The following PRIM2 variants were observed in gnomAD, a reference collection of about 807,000 sequenced individuals.
PRIM2 encodes the protein DNA primase large subunit.
In PRIM2, 39 loss-of-function variants were observed where a neutral mutation model predicts 67.3. That is an observed-to-expected ratio of 0.58 (90% CI 0.45 to 0.76). PRIM2 has a LOEUF of 0.76. PRIM2 is among the 30% of genes least tolerant of loss of function. The probability of loss-of-function intolerance (pLI) is 0.00; values close to 1 mark genes in which losing one functional copy is unlikely to be tolerated. For missense variants in PRIM2, 398 were observed against 598.7 expected, an observed-to-expected ratio of 0.66 and a Z score of 3.50; for synonymous variants, 143 against 198.7, an observed-to-expected ratio of 0.72 and a Z score of 2.36.
intron 10 of PRIM2, among the ~76,000 whole-genome samples, chr6:57,538,391 A>G (rs1775043855): frequency 6.6e-6 from 1 of 152,038 alleles, no homozygotes; most frequent in East Asian, 1.9e-4. Flanking sequence ...TAAAAACCCT[A>G]TCTGCAGTGC....
At chr6:57,457,890 C>G (rs1158353928) in intron 7 of PRIM2, among the ~76,000 whole-genome samples, 1 of 152,200 alleles carries the variant, frequency 6.6e-6, no homozygotes, top group Non-Finnish European at 1.5e-5. Flanking sequence ...ACGCTGGGAG[C>G]TATAGACTGG....
At chr6:57,260,522 C>T in the PRIM2 span, among the ~76,000 whole-genome samples, 1 of 152,016 alleles carries the variant, frequency 6.6e-6, no homozygotes, top group African/African-American at 2.4e-5. Flanking sequence ...TTTATGAACC[C>T]ATTCTATTTT....
rs1332667031 is a variant in PRIM2 at position 57,560,825 on chromosome 6, C to T, written c.1020+23200C>T. Among the ~76,000 whole-genome samples the T allele has an allele frequency of 5.3e-5, 8 of 152,298 alleles. 1 individual carries two copies. Among genetic ancestry groups the T allele is most frequent in the Middle Eastern group, 3.4e-3 (1 of 294 alleles). Reference sequence around the variant, plus strand: ...GTAAACTCTGCTATAAACAGATATGCTGTTACCCACATTTTGCTGTTCCAT... The same window carrying T: ...GTAAACTCTGCTATAAACAGATATGTTGTTACCCACATTTTGCTGTTCCAT... On this transcript the variant is annotated intron_variant, in intron 10 of 13. Coordinates refer to ENST00000615550, the MANE Select transcript of PRIM2 (RefSeq NM_000947.5).
chr6:57,644,351 C>T (rs1777296933), intron 13 of PRIM2, among the ~76,000 whole-genome samples: 1 of 152,080 alleles, frequency 6.6e-6, no homozygotes, highest in Admixed American at 6.6e-5. Flanking sequence ...CCAGACGCAA[C>T]TCAAATAGCA....
intron 7 of PRIM2, among the ~76,000 whole-genome samples, chr6:57,431,898 T>A (rs1404965886): frequency 1.3e-5 from 2 of 152,198 alleles, no homozygotes; most frequent in Non-Finnish European, 2.9e-5. Context: ...TATTTCTGTA[T>A]ATATTTTGGA....
At chr6:57,235,114 G>T in the PRIM2 span, among the ~76,000 whole-genome samples, 1 of 152,094 alleles carries the variant, frequency 6.6e-6, no homozygotes, top group Non-Finnish European at 1.5e-5. Flanking sequence ...TAGTGCCATT[G>T]TACTCCAGCC....
chr6:57,583,219 G>T (rs1478661235), intron 10 of PRIM2, among the ~76,000 whole-genome samples: 1 of 146,694 alleles, frequency 6.8e-6, no homozygotes, highest in Non-Finnish European at 1.5e-5. Context: ...GGGTACATGT[G>T]CACAGTGTGC....
rs1274137474 is a variant in PRIM2, at chr6:57,408,469, A to G, written c.693+26301A>G. On this transcript the variant is annotated intron_variant, in intron 7 of 13. Coordinates refer to ENST00000615550, the MANE Select transcript of PRIM2 (RefSeq NM_000947.5). ...ACATAATAAATGCATAATAAATGCC[A>G]TGAGAAAGTAGATTTGTTGGGGGAG... Among the ~76,000 whole-genome samples, 3 of 152,226 alleles carry G rather than the reference A, an allele frequency of 2.0e-5. No homozygotes were observed. In the East Asian group the frequency reaches 5.8e-4, roughly 29 times the overall value.
At chr6:57,630,356 AG>A (rs1777020579) in intron 12 of PRIM2, among the ~76,000 whole-genome samples, 1 of 152,164 alleles carries the variant, frequency 6.6e-6, no homozygotes, top group Admixed American at 6.5e-5. Flanking sequence ...GGGTCAGGTC[AG>A]GGGAAGATTG....
intron 8 of PRIM2, among the ~76,000 whole-genome samples, chr6:57,520,622 G>A (rs1173910447): frequency 4.6e-5 from 7 of 152,182 alleles, no homozygotes; most frequent in African/African-American, 1.7e-4. Context: ...AGGGGTGTAT[G>A]TGTGTATTTT....
At chr6:57,335,194 C>G (rs546608710) in intron 5 of PRIM2, among the ~76,000 whole-genome samples, 2 of 151,344 alleles carry the variant, frequency 1.3e-5, no homozygotes, top group African/African-American at 4.8e-5. Flanking sequence ...TATCCCGCAC[C>G]TGGCTCGGAG....
chr6:57,300,775 C>A, the PRIM2 span, among the ~76,000 whole-genome samples: 1 of 152,104 alleles, frequency 6.6e-6, no homozygotes, highest in African/African-American at 2.4e-5. Context: ...GTAATCCCAG[C>A]ACTTTGGGAG....
intron 8 of PRIM2, among the ~76,000 whole-genome samples, chr6:57,531,675 G>A (rs1212290663): frequency 2.6e-5 from 4 of 151,950 alleles, no homozygotes; most frequent in African/African-American, 4.8e-5. Context: ...GATATGGTGC[G>A]GTGAAAAAAT....
At position 57,477,629 on chromosome 6, in the gene PRIM2, T is replaced by C. The variant is rs1773507262; in HGVS notation, c.694-29758T>C. On this transcript the variant is annotated intron_variant, in intron 7 of 13. Coordinates refer to ENST00000615550, the MANE Select transcript of PRIM2 (RefSeq NM_000947.5). ...CATATGTCTTAGCTAAATACTACTA[T>C]TGTTAACAACACTACTCGTAATAGA... 1.1e-4 allele frequency among the ~76,000 whole-genome samples: 16 copies of C among 152,292 alleles called. 2 individuals carry two copies. The highest frequency in any genetic ancestry group is 9.1e-4 in the Admixed American group (14 of 15,302).
At chr6:57,448,359 G>A (rs944309202) in intron 7 of PRIM2, among the ~76,000 whole-genome samples, 1 of 152,100 alleles carries the variant, frequency 6.6e-6, no homozygotes, top group Non-Finnish European at 1.5e-5. Context: ...GGTGAGAGTA[G>A]GATTGGCAGG....
At chr6:57,279,513 C>A in the PRIM2 span, among the ~76,000 whole-genome samples, 1 of 152,142 alleles carries the variant, frequency 6.6e-6, no homozygotes, top group Non-Finnish European at 1.5e-5. Context: ...GAACCACCTA[C>A]CCCAGGCAGG....
chr6:57,348,462 T>G (rs371412565), intron 5 of PRIM2, among the ~76,000 whole-genome samples: 21 of 151,982 alleles, frequency 1.4e-4, no homozygotes, highest in East Asian at 1.2e-3. Flanking sequence ...CTTGAGTTGG[T>G]TTTTTTTACT....
chr6:57,338,072 A>G (rs2127290411), intron 5 of PRIM2, among the ~76,000 whole-genome samples: 1 of 152,000 alleles, frequency 6.6e-6, no homozygotes, highest in African/African-American at 2.4e-5. Flanking sequence ...AGAGAATACT[A>G]CAAACACCTC....
intron 12 of PRIM2, among the ~76,000 whole-genome samples, chr6:57,627,688 C>T (rs1277952698): frequency 2.6e-5 from 4 of 152,124 alleles, no homozygotes; most frequent in Non-Finnish European, 5.9e-5. Context: ...TGCCCGTCCA[C>T]TACTCACTTT....
Sources: allele counts gnomAD v4.1 joint callset (sites outside exome capture counted in the v4.1 genomes callset), GRCh38; gene constraint gnomAD v4.1.1; transcripts MANE v1.5; gene names NCBI Gene and HGNC (gene_info 2026-07-23, HGNC 2026-07-21).